The following SCAPER variants were observed in gnomAD, a reference collection of about 807,000 sequenced individuals.
The protein encoded by SCAPER is S-phase cyclin A associated protein in the ER.
Under a neutral mutation model 182.2 loss-of-function variants are expected in SCAPER, and 98 were observed. That is an observed-to-expected ratio of 0.54 (90% confidence interval 0.46 to 0.64). The LOEUF is 0.64. Ranked by LOEUF, SCAPER falls within the 30% of genes least tolerant of loss-of-function variation. The pLI, the probability that SCAPER is intolerant of heterozygous loss-of-function variation, is 0.00. For synonymous variants in SCAPER, 605 were observed against 564.6 expected (o/e 1.07, Z -1.01); for missense variants, 1,432 against 1,690.0 (o/e 0.85, Z 2.68).
At chr15:76,813,394 C>T (rs575476304) in intron 5 of SCAPER, among the ~76,000 whole-genome samples, 4 of 151,336 alleles carry the variant, frequency 2.6e-5, no homozygotes, top group South Asian at 4.2e-4. Flanking sequence ...TAGTACCAGG[C>T]AAGGATGCCC....
chr15:76,420,690 A>T (rs12592386), intron 26 of SCAPER, among the ~76,000 whole-genome samples: 60,536 of 152,034 alleles, frequency 0.4, 14,387 homozygotes, highest in Middle Eastern at 0.55. Flanking sequence ...TTACATATGT[A>T]TACATGCGCC....
At chr15:76,440,779 T>C (rs900843169) in intron 25 of SCAPER, among the ~76,000 whole-genome samples, 4 of 152,164 alleles carry the variant, frequency 2.6e-5, no homozygotes, top group Admixed American at 1.3e-4. Flanking sequence ...TGTTATATTA[T>C]GCATAAAAAT....
At chr15:76,521,907 C>A (rs757129285) in intron 23 of SCAPER, among the ~76,000 whole-genome samples, 4 of 152,096 alleles carry the variant, frequency 2.6e-5, no homozygotes, top group Non-Finnish European at 4.4e-5. Flanking sequence ...CCCTGTGTCC[C>A]CAGATACTAG....
chr15:76,774,721 C>T, intron 9 of SCAPER, 134 bp downstream of exon 9: 1 of 878,136 alleles, frequency 1.1e-6, no homozygotes. Flanking sequence ...ATTCTTGCCA[C>T]TTTTCTGTAG....
chr15:76,812,682 A>G (rs1361720932), intron 5 of SCAPER, among the ~76,000 whole-genome samples: 1 of 152,082 alleles, frequency 6.6e-6, no homozygotes, highest in South Asian at 2.1e-4. Context: ...ATATACCAAT[A>G]CATATATAAC....
intron 5 of SCAPER, among the ~76,000 whole-genome samples, chr15:76,818,380 C>T (rs2067249666): frequency 6.6e-6 from 1 of 152,110 alleles, no homozygotes; most frequent in Non-Finnish European, 1.5e-5. Context: ...CCTAGATGGT[C>T]TTGGATGCAA....
intron 24 of SCAPER, among the ~76,000 whole-genome samples, chr15:76,486,934 A>C (rs1484479184): frequency 6.6e-6 from 1 of 152,238 alleles, no homozygotes; most frequent in Non-Finnish European, 1.5e-5. Flanking sequence ...AAGACATGGA[A>C]TCAACCTAAA....
At chr15:76,655,621 G>T (rs1347367953) in intron 21 of SCAPER, among the ~76,000 whole-genome samples, 3 of 152,114 alleles carry the variant, frequency 2.0e-5, no homozygotes, top group African/African-American at 7.2e-5. Context: ...GTGAAAGGAA[G>T]AATTATCCAT....
intron 29 of SCAPER, among the ~76,000 whole-genome samples, chr15:76,371,678 G>C (rs1291529797): frequency 4.6e-5 from 7 of 151,546 alleles, no homozygotes; most frequent in Admixed American, 4.6e-4. Flanking sequence ...CAGCACTTTG[G>C]GAGGCCGAGG....
intron 23 of SCAPER, among the ~76,000 whole-genome samples, chr15:76,534,867 C>T (rs284882): frequency 0.96 from 146,785 of 152,254 alleles, 70,997 homozygotes; most frequent in South Asian, 1. Context: ...TTATGTTTGT[C>T]TATAAATGTT....
At chr15:76,845,237 A>T (rs1172933809) in intron 4 of SCAPER, among the ~76,000 whole-genome samples, 1 of 152,126 alleles carries the variant, frequency 6.6e-6, no homozygotes, top group Non-Finnish European at 1.5e-5. Flanking sequence ...AATAAAAGAC[A>T]TATGTGACAG....
intron 22 of SCAPER, among the ~76,000 whole-genome samples, chr15:76,614,504 G>A (rs1294317985): frequency 6.6e-6 from 1 of 152,144 alleles, no homozygotes; most frequent in Non-Finnish European, 1.5e-5. Context: ...GATGAAGTTA[G>A]AAATTTGTAA....
At chr15:76,429,509 C>T (rs977884319) in intron 26 of SCAPER, among the ~76,000 whole-genome samples, 1 of 151,978 alleles carries the variant, frequency 6.6e-6, no homozygotes, top group Non-Finnish European at 1.5e-5. Context: ...TCTCAGATGG[C>T]GATGAGGAAA....
At chr15:76,431,700 A>AAAAAAAAAAAAAAAAAG (rs2046877675) in intron 26 of SCAPER, among the ~76,000 whole-genome samples, 1 of 149,210 alleles carries the variant, frequency 6.7e-6, no homozygotes, top group African/African-American at 2.5e-5. Context: ...AAAAAAAAAA[A>AAAAAAAAAAAAAAAAAG]AAAATGCTTT....
Position 76,705,987 on chromosome 15 carries a change from G to T in SCAPER, c.2166-3C>A. 1 of 1,538,694 alleles carries T rather than the reference G, an allele frequency of 6.5e-7. No individual in the cohort carries two copies. The highest frequency in any genetic ancestry group is 2.4e-5 in the East Asian group (1 of 41,536). ...CTGCCAATCGTTCTTCCCTGTCTCTGTAAGAAGACAGTAAAAATTATAAAC... is the reference window on the plus strand; with the variant it reads ...CTGCCAATCGTTCTTCCCTGTCTCTTTAAGAAGACAGTAAAAATTATAAAC... On this transcript the variant is annotated splice_polypyrimidine_tract_variant and splice_region_variant and intron_variant, in intron 17 of 31. Coordinates refer to ENST00000563290, the MANE Select transcript of SCAPER (RefSeq NM_020843.4).
At chr15:76,855,457 C>CCA (rs1555640805) in intron 4 of SCAPER, among the ~76,000 whole-genome samples, 1 of 116,326 alleles carries the variant, frequency 8.6e-6, no homozygotes, top group African/African-American at 3.7e-5. Flanking sequence ...TTCTGCACAG[C>CCA]AAAAAAAAAA....
intron 25 of SCAPER, among the ~76,000 whole-genome samples, chr15:76,460,955 A>C (rs1057177685): frequency 6.6e-6 from 1 of 152,182 alleles, no homozygotes; most frequent in Non-Finnish European, 1.5e-5. Flanking sequence ...TACAGACCTT[A>C]TAAGAGTTTT....
At chr15:76,607,405 TC>T (rs1043182187) in intron 22 of SCAPER, among the ~76,000 whole-genome samples, 1 of 152,238 alleles carries the variant, frequency 6.6e-6, no homozygotes, top group African/African-American at 2.4e-5. Flanking sequence ...CTGATGGGCT[TC>T]CCTTTGTGGG....
At chr15:76,581,511 A>G (rs1018735921) in intron 22 of SCAPER, among the ~76,000 whole-genome samples, 1 of 152,226 alleles carries the variant, frequency 6.6e-6, no homozygotes. Flanking sequence ...AACATACGCA[A>G]AGCAAACGAT....
Sources: gnomAD v4.1 joint callset for allele counts (sites outside exome capture counted in the v4.1 genomes callset) on GRCh38, gnomAD v4.1.1 for gene constraint, MANE v1.5 for transcripts, NCBI Gene and HGNC (gene_info 2026-07-23, HGNC 2026-07-21) for gene names.